The following KLHL29 variants were observed in gnomAD, a reference collection of about 807,000 sequenced individuals.
The protein encoded by KLHL29 is kelch-like protein 29.
A neutral mutation model predicts 80.4 loss-of-function variants in KLHL29; 21 were observed. The observed-to-expected ratio is 0.26, with a 90% CI of 0.19 to 0.38. KLHL29 has a LOEUF of 0.38. KLHL29 is among the 10% of genes least tolerant of loss of function. The pLI is 1.00. For synonymous variants in KLHL29, 511 were observed against 526.8 expected, an observed-to-expected ratio of 0.97 and a Z score of 0.41; for missense variants, 867 against 1,223.9, an observed-to-expected ratio of 0.71 and a Z score of 4.35.
rs1572361308 is a variant in KLHL29 at position 23,503,120 on chromosome 2, G to T, written c.-46+27453G>T. ...GTGCCCTTTGTAAAATTACCCCAGG[G>T]CATGATAAGAAAAGGAGTAAGCAAT... On this transcript the variant is annotated intron_variant, in intron 2 of 13. Coordinates refer to ENST00000486442, the MANE Select transcript of KLHL29 (RefSeq NM_052920.2). This position sits in a 1 kb window ranked among gnomAD's most constrained non-coding sequence, Gnocchi z 4.0. Among the ~76,000 whole-genome samples, 1 of 152,292 alleles carries T rather than the reference G, an allele frequency of 6.6e-6. No homozygotes were observed. Among genetic ancestry groups the T allele is most frequent in the East Asian group, 1.9e-4 (1 of 5,182 alleles).
At chr2:23,673,193 CTG>C (rs921852833) in intron 5 of KLHL29, among the ~76,000 whole-genome samples, 39 of 151,194 alleles carry the variant, frequency 2.6e-4, no homozygotes, top group African/African-American at 9.5e-4. Flanking sequence ...ATGCCACATG[CTG>C]TCTCACACAC....
At chr2:23,661,041 A>G (rs1007967293) in intron 5 of KLHL29, among the ~76,000 whole-genome samples, 6 of 149,410 alleles carry the variant, frequency 4.0e-5, no homozygotes, top group Non-Finnish European at 8.9e-5. Flanking sequence ...CAGAAAAAAA[A>G]AGAGAGAGAG....
At chr2:23,461,270 G>A (rs1307640984) in intron 1 of KLHL29, among the ~76,000 whole-genome samples, 2 of 152,194 alleles carry the variant, frequency 1.3e-5, no homozygotes, top group Non-Finnish European at 2.9e-5. Context: ...TAACTGCAGG[G>A]CCAGGATGTG....
rs148180401 is a variant in KLHL29, at chr2:23,417,702, C to T, written c.-154+31922C>T. Among the ~76,000 whole-genome samples, 17 of 152,274 alleles carry T rather than the reference C, an allele frequency of 1.1e-4. No individual in the cohort carries two copies. In the East Asian group the frequency reaches 3.3e-3, roughly 29 times the overall value. On this transcript the variant is annotated intron_variant, in intron 1 of 13. Transcript: ENST00000486442. ...TCTCCTCCAGCCTCACCTTTCTCTC[C>T]CCTCCAGCCTCACTTTTCTCTGCTC...
At chr2:23,386,250 G>A (rs1296332067) in intron 1 of KLHL29, among the ~76,000 whole-genome samples, 2 of 152,152 alleles carry the variant, frequency 1.3e-5, no homozygotes, top group Non-Finnish European at 2.9e-5. Flanking sequence ...GTCCTTTGGG[G>A]AGGTGCGCGC....
chr2:23,437,441 G>T (rs566556723), intron 1 of KLHL29, among the ~76,000 whole-genome samples: 1 of 152,274 alleles, frequency 6.6e-6, no homozygotes, highest in South Asian at 2.1e-4. Context: ...TTTTACGTAG[G>T]TGACCTGGTT....
chr2:23,562,087 A>G lies in KLHL29; in HGVS notation c.-45-65A>G. On this transcript the variant is annotated intron_variant, in intron 2 of 13. Coordinates refer to ENST00000486442, the MANE Select transcript of KLHL29 (RefSeq NM_052920.2). The surrounding 1 kb of genome is among the most constrained non-coding windows in gnomAD (Gnocchi z 4.5). ...TGAACCCAGAGAAGGGGCTTCATGG[A>G]TGCTGTCAGTTGTCGCTGCCTGCTC... is the stretch of plus-strand genomic sequence containing the variant. The G allele has an allele frequency of 7.9e-7, 1 of 1,273,422 alleles. No individual in the cohort carries two copies. Among genetic ancestry groups the G allele is most frequent in the South Asian group, 1.3e-5 (1 of 74,714 alleles). The allele number at this position is 1,273,422 out of a possible 1,614,324, so 78.9% of individuals were successfully genotyped here. A position where few individuals can be genotyped will look rare whatever the true frequency, so the allele number is the denominator to read the frequency against.
At chr2:23,691,938 T>A in intron 7 of KLHL29, 62 bp downstream of exon 7, 1 of 1,489,032 alleles carries the variant, frequency 6.7e-7, no homozygotes. Flanking sequence ...GAGAACTCCA[T>A]AAACAGCAAG....
rs1358751814 is a variant in KLHL29, at chr2:23,695,645, T to C, written c.1565T>C (p.Val522Ala). ...CAGTACGCGGCTGAGCTCCTGGCCG[T>C]GGTCCGCCTCCCCTTCATCCACCCC... ...RTQYAAELLA[V>A]VRLPFIHPSY... The change falls in exon 9 of 14, where the codon GTG (valine) becomes GCG (alanine). Residue 522 changes from valine (V) to alanine (A), a missense_variant. Physicochemically the swap from Val to Ala is moderately conservative, Grantham distance 64. This residue lies in a region of KLHL29 where 443 missense variants were observed against 767.0 expected (regional missense o/e 0.58). Transcript: ENST00000486442. This position sits in a 1 kb window ranked among gnomAD's most constrained non-coding sequence, Gnocchi z 7.6. The C allele has an allele frequency of 1.9e-6, 3 of 1,551,106 alleles. No homozygotes were observed. In the East Asian group the frequency reaches 7.3e-5, roughly 38 times the overall value.
At chr2:23,473,344 G>T (rs1558350963) in intron 1 of KLHL29, among the ~76,000 whole-genome samples, 1 of 152,124 alleles carries the variant, frequency 6.6e-6, no homozygotes, top group Non-Finnish European at 1.5e-5. Context: ...GAAGAACAGG[G>T]TGGGGAAGGT....
Position 23,663,121 on chromosome 2 carries a change from C to CCTGCTCCTCG in KLHL29, c.940+20284_940+20293dup, listed in dbSNP as rs533283951. On this transcript the variant is annotated intron_variant, in intron 5 of 13. Transcript: ENST00000486442. ...AAGTGCTGGGCTTCCCCTACCGCGC[C>CCTGCTCCTCG]CTGCTCCTCGCTGCTCCTCGCTACT... Among the ~76,000 whole-genome samples, 180 of 152,274 alleles carry CCTGCTCCTCG rather than the reference C, an allele frequency of 1.2e-3. 1 individual carries two copies. The highest frequency in any genetic ancestry group is 3.8e-3 in the African/African-American group (157 of 41,558).
chr2:23,576,617 C>T (rs1667849892), intron 3 of KLHL29, among the ~76,000 whole-genome samples: 2 of 152,208 alleles, frequency 1.3e-5, no homozygotes, highest in South Asian at 4.1e-4. Flanking sequence ...GTTCCCTCAC[C>T]GGGCTGATGG....
Position 23,691,317 on chromosome 2 carries a change from G to A in KLHL29, c.1080-357G>A, listed in dbSNP as rs3795940. 1.5e-3 allele frequency: 434 copies of A among 291,002 alleles called. 4 individuals carry two copies. Among genetic ancestry groups the A allele is most frequent in the Admixed American group, 0.013 (269 of 20,224 alleles). The allele number at this position is 291,002 out of a possible 1,614,324, so 18.0% of individuals were successfully genotyped here. A position where few individuals can be genotyped will look rare whatever the true frequency, so the allele number is the denominator to read the frequency against. ...AGGCAGGGCCGGGCTGGGATGCGTC[G>A]GCCTGCTTTGGTGGAGACACCAGGG... On this transcript the variant is annotated intron_variant, in intron 6 of 13. Coordinates refer to ENST00000486442, the MANE Select transcript of KLHL29 (RefSeq NM_052920.2).
intron 11 of KLHL29, among the ~76,000 whole-genome samples, chr2:23,701,792 G>T (rs13017206): frequency 0.19 from 6,561 of 34,920 alleles, 701 homozygotes; most frequent in East Asian, 0.42. Flanking sequence ...GCTTTTTTTT[G>T]CTTTTTTTTT....
At chr2:23,413,241 A>G (rs1296036752) in intron 1 of KLHL29, among the ~76,000 whole-genome samples, 2 of 152,174 alleles carry the variant, frequency 1.3e-5, no homozygotes, top group African/African-American at 4.8e-5. Flanking sequence ...ACTGAAGATA[A>G]TTCTTCAGCG....
At chr2:23,508,394 C>T (rs1444362453) in intron 2 of KLHL29, among the ~76,000 whole-genome samples, 3 of 152,288 alleles carry the variant, frequency 2.0e-5, no homozygotes, top group East Asian at 1.9e-4. Context: ...TAATGCTGCC[C>T]GATGGGACCT....
intron 7 of KLHL29, 140 bp from the exon 8 acceptor site, chr2:23,693,129 G>T: frequency 1.0e-6 from 1 of 976,144 alleles, no homozygotes; most frequent in Non-Finnish European, 1.5e-6. Flanking sequence ...CCAGGAAGGG[G>T]GCCTGCAGGG....
chr2:23,431,061 G>A (rs959035916), intron 1 of KLHL29, among the ~76,000 whole-genome samples: 1 of 152,192 alleles, frequency 6.6e-6, no homozygotes, highest in African/African-American at 2.4e-5. Context: ...CCTGGAGAGT[G>A]TCCCCAGAGC....
At chr2:23,487,743 C>A (rs1279984032) in intron 2 of KLHL29, among the ~76,000 whole-genome samples, 1 of 152,210 alleles carries the variant, frequency 6.6e-6, no homozygotes, top group Non-Finnish European at 1.5e-5. Flanking sequence ...TATAACCAGC[C>A]TTTCAAGGCC....
Sources: allele counts gnomAD v4.1 joint callset (sites outside exome capture counted in the v4.1 genomes callset), GRCh38; gene constraint gnomAD v4.1.1; regional missense constraint gnomAD v4.1.1; non-coding constraint Gnocchi (gnomAD v3.1); transcripts MANE v1.5; gene names NCBI Gene and HGNC (gene_info 2026-07-23, HGNC 2026-07-21).